TENT2: variants seen among roughly 807,000 people sequenced by gnomAD.
TENT2 encodes poly(A) RNA polymerase GLD2.
A neutral mutation model predicts 72.2 loss-of-function variants in TENT2; 44 were observed. The observed-to-expected ratio is 0.61, with a 90% CI of 0.48 to 0.78. The LOEUF (loss-of-function observed/expected upper bound fraction) is 0.78, where lower values mean the gene tolerates loss of function less well. Among genes scored for constraint, TENT2 ranks in the 30% least tolerant of loss-of-function variants. TENT2 has a pLI of 0.00. For missense variants in TENT2, 541 were observed against 569.6 expected, an observed-to-expected ratio of 0.95 and a Z score of 0.51; for synonymous variants, 212 against 192.5, an observed-to-expected ratio of 1.10 and a Z score of -0.84.
At chr5:79,675,803 C>T (rs574246503) in intron 12 of TENT2, among the ~76,000 whole-genome samples, 1 of 152,142 alleles carries the variant, frequency 6.6e-6, no homozygotes, top group African/African-American at 2.4e-5. Flanking sequence ...GTGACAGTTT[C>T]CAATAGCTGG....
intron 14 of TENT2, among the ~76,000 whole-genome samples, chr5:79,683,733 G>C (rs1483934880): frequency 6.6e-6 from 1 of 150,848 alleles, no homozygotes; most frequent in African/African-American, 2.4e-5. Flanking sequence ...GGCTAAAACG[G>C]TGAAACCCCG....
rs1825855858 is a variant in TENT2, at chr5:79,685,772, C to T, written c.*499C>T. ...ATCTTTCATTTCAGTCAAATCACTG[C>T]AGTCATGAAATACTGAACAATTGCC... On this transcript the variant is annotated 3_prime_UTR_variant, in exon 15 of 15. Transcript: ENST00000453514. The T allele has an allele frequency of 6.5e-6, 1 of 154,472 alleles. No homozygotes were observed. The highest frequency in any genetic ancestry group is 2.0e-4 in the South Asian group (1 of 4,900). The allele number at this position is 154,472 out of a possible 1,614,324, so 9.6% of individuals were successfully genotyped here. A position where few individuals can be genotyped will look rare whatever the true frequency, so the allele number is the denominator to read the frequency against.
intron 10 of TENT2, among the ~76,000 whole-genome samples, chr5:79,655,629 T>TG (rs1425891786): frequency 3.3e-5 from 5 of 151,764 alleles, no homozygotes; most frequent in African/African-American, 1.2e-4. Context: ...TTAAAGTGAG[T>TG]GGGGTTTGAG....
chr5:79,680,061 G>A (rs1425571894), intron 13 of TENT2, among the ~76,000 whole-genome samples: 2 of 152,060 alleles, frequency 1.3e-5, no homozygotes, highest in Non-Finnish European at 2.9e-5. Context: ...AATTGATGTT[G>A]CTTTAAAAAT....
chr5:79,636,659 T>G (rs1023863097), intron 4 of TENT2, among the ~76,000 whole-genome samples: 2 of 152,206 alleles, frequency 1.3e-5, no homozygotes, highest in Non-Finnish European at 2.9e-5. Context: ...TTGATTTTGA[T>G]TGCATTGAAT....
intron 3 of TENT2, among the ~76,000 whole-genome samples, chr5:79,621,464 A>G (rs1764722800): frequency 6.6e-6 from 1 of 152,182 alleles, no homozygotes; most frequent in Non-Finnish European, 1.5e-5. Context: ...AAGAATGAAA[A>G]TAAGCTCCCT....
chr5:79,631,489 C>T (rs1775439305), intron 4 of TENT2, among the ~76,000 whole-genome samples: 1 of 152,114 alleles, frequency 6.6e-6, no homozygotes, highest in Non-Finnish European at 1.5e-5. Flanking sequence ...TATTCATTGG[C>T]TAGAAATGTG....
intron 7 of TENT2, 112 bp from the exon 8 acceptor site, chr5:79,645,011 G>C: frequency 3.6e-6 from 3 of 828,036 alleles, no homozygotes; most frequent in Non-Finnish European, 5.4e-6. Context: ...TTTCAAAGAC[G>C]TTTTCTTAAA....
At chr5:79,664,546 G>T (rs1805692777) in intron 11 of TENT2, among the ~76,000 whole-genome samples, 1 of 148,514 alleles carries the variant, frequency 6.7e-6, no homozygotes, top group South Asian at 2.1e-4. Flanking sequence ...AGTAAGCTGA[G>T]ATCACGTCAC....
rs544952535 is a variant in TENT2, at chr5:79,646,976, C to T, written c.822-1641C>T. Among the ~76,000 whole-genome samples the T allele has an allele frequency of 2.5e-3, 378 of 152,026 alleles. 3 individuals carry two copies. Among genetic ancestry groups the T allele is most frequent in the Non-Finnish European group, 3.7e-3 (251 of 67,942 alleles). On this transcript the variant is annotated intron_variant, in intron 8 of 14. Coordinates refer to ENST00000453514, the MANE Select transcript of TENT2 (RefSeq NM_001114394.3). The stretch of plus-strand genomic sequence containing the variant: ...TAGAGACAGGGTCTCGCCATGTTGC[C>T]CAGCCTAGTCTCGAACCCCTGGCCT...
chr5:79,683,305 G>T (rs974845548), intron 14 of TENT2, among the ~76,000 whole-genome samples: 1 of 141,854 alleles, frequency 7.0e-6, no homozygotes, highest in Admixed American at 7.0e-5. Context: ...ACACATGCAC[G>T]CACATGCTCA....
Position 79,619,674 on chromosome 5 carries a change from GC to G in TENT2, c.29del (p.Pro10HisfsTer27). 3.1e-6 allele frequency: 5 copies of G among 1,613,280 alleles called. No individual in the cohort carries two copies. Among genetic ancestry groups the G allele is most frequent in the Non-Finnish European group, 4.2e-6 (5 of 1,179,610 alleles). ...ATGTTCCCAAACTCAATTTTGGGTC[GC>G]CCACCCTTCACTCCAAATCATCAAC... Reference protein sequence around the residue: MFPNSILGRPPFTPNHQQH... With the variant: MFPNSILGXPPFTPNHQQH... On this transcript the variant is annotated frameshift_variant, in exon 2 of 15. Coordinates refer to ENST00000453514, the MANE Select transcript of TENT2 (RefSeq NM_001114394.3). LOFTEE classifies it high-confidence loss of function.
intron 1 of TENT2, among the ~76,000 whole-genome samples, chr5:79,617,145 A>G (rs1188175664): frequency 6.6e-6 from 1 of 151,608 alleles, no homozygotes; most frequent in African/African-American, 2.4e-5. Context: ...AAGAAAAAAG[A>G]ATAAAGCTTC....
At position 79,641,112 on chromosome 5, in the gene TENT2, A is replaced by G; in HGVS notation, c.588A>G (p.Arg196=). 6.4e-7 allele frequency: 1 copy of G among 1,571,768 alleles called. No individual in the cohort carries two copies. The stretch of plus-strand genomic sequence containing the variant: ...TTTCTTCTGTTTCTTTAGAAAGCAG[A>G]CTTTTTTTGGTTGGGTCCTCTTTAA... ...REIQLLFPQS[R]LFLVGSSLNG... is the part of the protein sequence containing the mutation. The change falls in exon 6 of 15, where the codon AGA becomes AGG. Residue 196 remains arginine, a synonymous_variant. Transcript: ENST00000453514.
At chr5:79,621,757 C>CAAAAAAAAAAAA in intron 3 of TENT2, among the ~76,000 whole-genome samples, 1 of 83,310 alleles carries the variant, frequency 1.2e-5, no homozygotes, top group Non-Finnish European at 2.3e-5. Context: ...GACTCTATCT[C>CAAAAAAAAAAAA]AAAAAAAAAA....
intron 1 of TENT2, among the ~76,000 whole-genome samples, chr5:79,619,301 T>C (rs1485702029): frequency 6.6e-6 from 1 of 152,240 alleles, no homozygotes; most frequent in South Asian, 2.1e-4. Flanking sequence ...TGTGGGATTT[T>C]ATTAATGTCA....
intron 6 of TENT2, among the ~76,000 whole-genome samples, chr5:79,641,497 A>G (rs1303433517): frequency 6.6e-6 from 1 of 150,936 alleles, no homozygotes. Flanking sequence ...TGGATATGTT[A>G]CCAGGATGCA....
Position 79,674,267 on chromosome 5 carries a change from A to G in TENT2, c.1208+5239A>G, listed in dbSNP as rs146534819. Among the ~76,000 whole-genome samples, 88 of 152,294 alleles carry G rather than the reference A, an allele frequency of 5.8e-4. No homozygotes were observed. The East Asian group carries it at 0.013, about 22-fold the overall frequency. The stretch of plus-strand genomic sequence containing the variant: ...TGTGGTGGCGGGCACCTGTAATCCC[A>G]GCTACTCACGAGGCTGAGGCAGGAG... On this transcript the variant is annotated intron_variant, in intron 12 of 14. Transcript: ENST00000453514.
chr5:79,633,132 T>C (rs1776883841), intron 4 of TENT2, among the ~76,000 whole-genome samples: 1 of 152,212 alleles, frequency 6.6e-6, no homozygotes. Flanking sequence ...GGAAAGGGAA[T>C]TGACTGTGAA....
Sources: allele counts gnomAD v4.1 joint callset (sites outside exome capture counted in the v4.1 genomes callset), GRCh38; gene constraint gnomAD v4.1.1; transcripts MANE v1.5; gene names NCBI Gene and HGNC (gene_info 2026-07-23, HGNC 2026-07-21).